PPME1: variants seen among roughly 807,000 people sequenced by gnomAD.
The protein encoded by PPME1 is protein phosphatase methylesterase 1.
In PPME1, 17 loss-of-function variants were observed where a neutral mutation model predicts 56.9. That is an observed-to-expected ratio of 0.30 (90% CI 0.20 to 0.45). The LOEUF is 0.45. PPME1 is among the 20% of genes least tolerant of loss of function. The probability of loss-of-function intolerance (pLI) is 1.00; values close to 1 mark genes in which losing one functional copy is unlikely to be tolerated. For synonymous variants in PPME1, 122 were observed against 156.2 expected, an observed-to-expected ratio of 0.78 and a Z score of 1.63; for missense variants, 357 against 483.2, an observed-to-expected ratio of 0.74 and a Z score of 2.45.
At chr11:74,237,682 G>A (rs1261954868) in intron 8 of PPME1, 1 of 151,952 alleles carries the variant, frequency 6.6e-6, no homozygotes, top group African/African-American at 2.4e-5. Context: ...TTTAAGATAA[G>A]TATTGCTTTA....
intron 5 of PPME1, among the ~76,000 whole-genome samples, chr11:74,226,178 A>G (rs924808697): frequency 3.3e-5 from 5 of 152,212 alleles, no homozygotes; most frequent in Non-Finnish European, 7.3e-5. Flanking sequence ...AACTTTCATT[A>G]AAGTATAAAC....
intron 1 of PPME1, among the ~76,000 whole-genome samples, chr11:74,199,266 A>T (rs929699270): frequency 6.6e-6 from 1 of 151,874 alleles, no homozygotes; most frequent in Non-Finnish European, 1.5e-5. Flanking sequence ...TTGAACATTC[A>T]CTGCACTTCA....
chr11:74,215,185 C>CA (rs1858597678), intron 3 of PPME1, among the ~76,000 whole-genome samples: 1 of 151,934 alleles, frequency 6.6e-6, no homozygotes, highest in Non-Finnish European at 1.5e-5. Flanking sequence ...ATCTCTACAA[C>CA]AAAAAATTGA....
chr11:74,218,194 G>A (rs1858707494), intron 3 of PPME1, among the ~76,000 whole-genome samples: 1 of 151,590 alleles, frequency 6.6e-6, no homozygotes, highest in Non-Finnish European at 1.5e-5. Context: ...AAATACCTAG[G>A]AATTAACCAA....
intron 3 of PPME1, among the ~76,000 whole-genome samples, chr11:74,212,121 A>G (rs531545494): frequency 4.6e-5 from 7 of 152,326 alleles, no homozygotes; most frequent in African/African-American, 1.2e-4. Flanking sequence ...ACAGTCTTGA[A>G]TTACTGACAT....
At chr11:74,251,619 A>G (rs532685612) in intron 12 of PPME1, 29 bp from the exon 13 acceptor site, 7 of 1,609,476 alleles carry the variant, frequency 4.3e-6, no homozygotes, top group South Asian at 1.1e-5. Context: ...TAACCTTTAT[A>G]TGGCCTGGAA....
intron 1 of PPME1, among the ~76,000 whole-genome samples, chr11:74,186,823 T>TAC (rs1002142886): frequency 2.0e-5 from 3 of 152,206 alleles, no homozygotes; most frequent in Non-Finnish European, 4.4e-5. Flanking sequence ...GAATTCCAGG[T>TAC]ACTAGGTGCC....
chr11:74,177,374 G>A (rs1232469584), intron 1 of PPME1, among the ~76,000 whole-genome samples: 1 of 151,852 alleles, frequency 6.6e-6, no homozygotes, highest in African/African-American at 2.4e-5. Context: ...ATTTGAGTCC[G>A]GGAAGCAAAG....
chr11:74,247,206 A>G (rs770763238), intron 11 of PPME1, 83 bp downstream of exon 11: 67 of 1,254,330 alleles, frequency 5.3e-5, no homozygotes, highest in Non-Finnish European at 6.8e-5. Flanking sequence ...ATAGTGAGGT[A>G]TAACGGAGAA....
intron 1 of PPME1, among the ~76,000 whole-genome samples, chr11:74,176,348 C>A (rs962374310): frequency 4.6e-5 from 7 of 152,032 alleles, no homozygotes; most frequent in African/African-American, 1.4e-4. Flanking sequence ...GCTATTCACA[C>A]AGATGGGGAA....
intron 5 of PPME1, among the ~76,000 whole-genome samples, chr11:74,229,529 AGCCAATAAAAT>A (rs1279449685): frequency 6.6e-6 from 1 of 151,098 alleles, no homozygotes; most frequent in East Asian, 1.9e-4. Context: ...TTAGAACCAA[AGCCAATAAAAT>A]GAGCTCTGAA....
At chr11:74,208,616 C>T (rs1858392028) in intron 3 of PPME1, among the ~76,000 whole-genome samples, 1 of 152,076 alleles carries the variant, frequency 6.6e-6, no homozygotes, top group South Asian at 2.1e-4. Context: ...ATAATACCTC[C>T]TAGTTAATAG....
chr11:74,214,550 G>A (rs974880564), intron 3 of PPME1, among the ~76,000 whole-genome samples: 3 of 141,124 alleles, frequency 2.1e-5, no homozygotes, highest in Non-Finnish European at 4.5e-5. Flanking sequence ...AGAGGTCAAA[G>A]ATAAAGAATT....
chr11:74,194,234 G>C (rs950673693), intron 1 of PPME1, among the ~76,000 whole-genome samples: 3 of 151,874 alleles, frequency 2.0e-5, no homozygotes, highest in African/African-American at 7.3e-5. Context: ...GTGGTAAGAA[G>C]CAGAAAGTTA....
intron 3 of PPME1, among the ~76,000 whole-genome samples, chr11:74,211,971 G>A (rs769048975): frequency 6.6e-6 from 1 of 152,136 alleles, no homozygotes; most frequent in Non-Finnish European, 1.5e-5. Context: ...TCCACTTGTC[G>A]TCCTCCCCAC....
intron 9 of PPME1, among the ~76,000 whole-genome samples, chr11:74,241,407 G>A (rs1411496280): frequency 6.6e-6 from 1 of 152,080 alleles, no homozygotes; most frequent in Non-Finnish European, 1.5e-5. Context: ...CATTTGGGTT[G>A]TTTCCACTTT....
intron 1 of PPME1, among the ~76,000 whole-genome samples, chr11:74,184,609 C>A (rs1319317689): frequency 6.6e-6 from 1 of 152,176 alleles, no homozygotes; most frequent in Non-Finnish European, 1.5e-5. Flanking sequence ...TTAACAAAAT[C>A]TTCACGCCAG....
rs1486494627 is a variant in PPME1 at position 74,214,288 on chromosome 11, CAAAAG to C, written c.289-8019_289-8015del. On this transcript the variant is annotated intron_variant, in intron 3 of 13. Transcript: ENST00000328257. ...GTTATTTGAATATACACAAAGGAGACAAAAGAAAAAGAATACAAAAACAATGCAGC... is the reference window on the plus strand; with the variant it reads ...GTTATTTGAATATACACAAAGGAGACAAAAAGAATACAAAAACAATGCAGC... Among the ~76,000 whole-genome samples, 3 of 151,616 alleles carry C rather than the reference CAAAAG, an allele frequency of 2.0e-5. No homozygotes were observed. In the East Asian group the frequency reaches 5.8e-4, roughly 29 times the overall value.
At chr11:74,243,716 T>C (rs1859434674) in intron 9 of PPME1, 1 of 151,884 alleles carries the variant, frequency 6.6e-6, no homozygotes, top group Non-Finnish European at 1.5e-5. Context: ...AAGATAGGAC[T>C]AGAAGACCCA....
Sources: allele counts gnomAD v4.1 joint callset (sites outside exome capture counted in the v4.1 genomes callset), GRCh38; gene constraint gnomAD v4.1.1; transcripts MANE v1.5; gene names NCBI Gene and HGNC (gene_info 2026-07-23, HGNC 2026-07-21).